LRFN5: variants seen among roughly 807,000 people sequenced by gnomAD.
The protein encoded by LRFN5 is leucine rich repeat and fibronectin type III domain containing 5.
LRFN5 carries 24 observed loss-of-function variants against 45.6 expected under a neutral mutation model. That is an observed-to-expected ratio of 0.53 (90% CI 0.38 to 0.74). The LOEUF (loss-of-function observed/expected upper bound fraction) is 0.74, where lower values mean the gene tolerates loss of function less well. LRFN5 is among the 30% of genes least tolerant of loss of function. The pLI, the probability that LRFN5 is intolerant of heterozygous loss-of-function variation, is 0.00. For missense variants in LRFN5, 776 were observed against 861.5 expected, an observed-to-expected ratio of 0.90 and a Z score of 1.24; for synonymous variants, 340 against 313.8, an observed-to-expected ratio of 1.08 and a Z score of -0.88.
chr14:41,749,478 A>C (rs1162127350), intron 1 of LRFN5, among the ~76,000 whole-genome samples: 1 of 152,202 alleles, frequency 6.6e-6, no homozygotes, highest in African/African-American at 2.4e-5. Context: ...ATACAGCTAT[A>C]GTATTCCATG....
intron 1 of LRFN5, among the ~76,000 whole-genome samples, chr14:41,671,909 C>T (rs896134119): frequency 5.3e-5 from 8 of 152,116 alleles, no homozygotes; most frequent in Admixed American, 1.3e-4. Context: ...TGAGCCACTG[C>T]GCCCAGCCAT....
At chr14:41,798,417 T>A (rs969844926) in intron 2 of LRFN5, among the ~76,000 whole-genome samples, 5 of 152,010 alleles carry the variant, frequency 3.3e-5, no homozygotes, top group Non-Finnish European at 7.4e-5. Context: ...TTTGACTTAT[T>A]TATTCATCCA....
chr14:41,765,475 T>C (rs1364992297), intron 1 of LRFN5, among the ~76,000 whole-genome samples: 1 of 152,002 alleles, frequency 6.6e-6, no homozygotes, highest in Admixed American at 6.6e-5. Context: ...TGTTCTAAAA[T>C]GTGAAATTGG....
intron 2 of LRFN5, among the ~76,000 whole-genome samples, chr14:41,882,319 C>A (rs1890408546): frequency 6.6e-6 from 1 of 152,016 alleles, no homozygotes; most frequent in African/African-American, 2.4e-5. Context: ...TTTTCAGCTG[C>A]CAAATGTCAC....
At chr14:41,734,316 T>TTATATA (rs60855395) in intron 1 of LRFN5, among the ~76,000 whole-genome samples, 1,124 of 38,766 alleles carry the variant, frequency 0.029, 188 homozygotes, top group Non-Finnish European at 0.054. Context: ...TGGACTGGTT[T>TTATATA]TATATATATA....
chr14:41,782,836 T>A (rs1229115760), intron 2 of LRFN5, among the ~76,000 whole-genome samples: 1 of 152,178 alleles, frequency 6.6e-6, no homozygotes, highest in East Asian at 1.9e-4. Context: ...GAAATCACTC[T>A]TATTACATTG....
In LRFN5 at chr14:41,711,174, T is replaced by C. The variant is rs1179064090; in HGVS notation, c.-196-55680T>C. Reference sequence around the variant, plus strand: ...CAAAGATGAAAAAAATGGTCTTAAATAGGCAATACATATGTACACCCACAC... The same window carrying C: ...CAAAGATGAAAAAAATGGTCTTAAACAGGCAATACATATGTACACCCACAC... On this transcript the variant is annotated intron_variant, in intron 1 of 5. Transcript: ENST00000298119. Among the ~76,000 whole-genome samples the C allele has an allele frequency of 4.6e-5, 7 of 152,154 alleles. No individual in the cohort carries two copies. In the East Asian group the frequency reaches 1.3e-3, roughly 29 times the overall value.
chr14:41,859,973 A>C (rs1034629290), intron 2 of LRFN5, among the ~76,000 whole-genome samples: 3 of 152,108 alleles, frequency 2.0e-5, no homozygotes, highest in Non-Finnish European at 4.4e-5. Context: ...ACAGGCAAAG[A>C]CATGTGGAGT....
intron 1 of LRFN5, among the ~76,000 whole-genome samples, chr14:41,671,740 T>A (rs1269407381): frequency 6.7e-6 from 1 of 149,708 alleles, no homozygotes; most frequent in Non-Finnish European, 1.5e-5. Flanking sequence ...CCTCTCAGCC[T>A]CTAGAGTAGC....
At chr14:41,765,906 A>T (rs1885866590) in intron 1 of LRFN5, among the ~76,000 whole-genome samples, 1 of 152,152 alleles carries the variant, frequency 6.6e-6, no homozygotes, top group African/African-American at 2.4e-5. Flanking sequence ...GAGTATCTTA[A>T]GACAATATAA....
chr14:41,890,072 C>CA (rs1280510984), intron 3 of LRFN5, among the ~76,000 whole-genome samples: 1 of 152,096 alleles, frequency 6.6e-6, no homozygotes, highest in Non-Finnish European at 1.5e-5. Flanking sequence ...CCGTATCGGT[C>CA]AGGCTGGTCT....
chr14:41,698,876 T>A (rs1882723492), intron 1 of LRFN5, among the ~76,000 whole-genome samples: 1 of 152,104 alleles, frequency 6.6e-6, no homozygotes, highest in Admixed American at 6.6e-5. Flanking sequence ...ATAGGATTAA[T>A]TTGTGTATGG....
At chr14:41,665,979 T>G (rs1048498986) in intron 1 of LRFN5, among the ~76,000 whole-genome samples, 1 of 152,052 alleles carries the variant, frequency 6.6e-6, no homozygotes, top group Admixed American at 6.6e-5. Context: ...TTTCGTGTAT[T>G]AAATAGTTGT....
intron 1 of LRFN5, among the ~76,000 whole-genome samples, chr14:41,618,776 T>C (rs1888008964): frequency 6.6e-6 from 1 of 152,214 alleles, no homozygotes; most frequent in Non-Finnish European, 1.5e-5. Context: ...CCTGGCTCTC[T>C]TTTTAAAAAA....
chr14:41,686,184 C>T (rs1008528247), intron 1 of LRFN5, among the ~76,000 whole-genome samples: 2 of 151,904 alleles, frequency 1.3e-5, no homozygotes, highest in African/African-American at 4.8e-5. Context: ...CCCTTCACAT[C>T]CCCCGTTAGC....
At position 41,607,521 on chromosome 14, in the gene LRFN5, C is replaced by T. The variant is rs1887539205; in HGVS notation, c.-1238C>T. On this transcript the variant is annotated 5_prime_UTR_variant, in exon 1 of 6. Transcript: ENST00000298119. ...GTTTTGTAAGCCGCTTTCCAGCTAG[C>T]TGCGTGTGTGTGTGCGCGCGCGTGT... 6.6e-6 allele frequency: 1 copy of T among 151,992 alleles called. No individual in the cohort carries two copies. The highest frequency in any genetic ancestry group is 2.1e-4 in the South Asian group (1 of 4,830). 9.4% of individuals were successfully genotyped at this position (151,992 alleles called of 1,614,324 possible).
At chr14:41,614,146 G>A (rs1204724419) in intron 1 of LRFN5, among the ~76,000 whole-genome samples, 1 of 151,934 alleles carries the variant, frequency 6.6e-6, no homozygotes, top group Non-Finnish European at 1.5e-5. Flanking sequence ...GATTTGTCAA[G>A]TTTTTGAATG....
At chr14:41,699,642 T>C (rs1161830482) in intron 1 of LRFN5, 1 of 152,106 alleles carries the variant, frequency 6.6e-6, no homozygotes, top group East Asian at 1.9e-4. Flanking sequence ...AAACTCCACA[T>C]GCTTCACAAA....
At chr14:41,728,663 T>C (rs1447704204) in intron 1 of LRFN5, among the ~76,000 whole-genome samples, 1 of 152,148 alleles carries the variant, frequency 6.6e-6, no homozygotes, top group Non-Finnish European at 1.5e-5. Flanking sequence ...ATTAAGAGAA[T>C]TCATCAAGGC....
Sources: allele counts gnomAD v4.1 joint callset (sites outside exome capture counted in the v4.1 genomes callset), GRCh38; gene constraint gnomAD v4.1.1; transcripts MANE v1.5; gene names NCBI Gene and HGNC (gene_info 2026-07-23, HGNC 2026-07-21).